Variants in EPHA1 observed in about 807,000 individuals in gnomAD.
EPHA1 encodes EPH receptor A1, also known as ephrin type-A receptor 1.
A neutral mutation model predicts 110.1 loss-of-function variants in EPHA1; 92 were observed. The observed-to-expected ratio is 0.84, with a 90% confidence interval of 0.71 to 0.99. The LOEUF (loss-of-function observed/expected upper bound fraction) is 0.99, where lower values mean the gene tolerates loss of function less well. EPHA1 is among the 50% of genes least tolerant of loss of function. EPHA1 has a pLI of 0.00. For missense variants in EPHA1, 1,204 were observed against 1,285.4 expected (o/e 0.94, Z 0.97); for synonymous variants, 500 against 516.1 (o/e 0.97, Z 0.42).
chr7:143,397,350 C>G lies in EPHA1; in HGVS notation c.1725G>C (p.Arg575=). The G allele has an allele frequency of 1.9e-6, 3 of 1,549,952 alleles. No homozygotes were observed. The highest frequency in any genetic ancestry group is 2.6e-6 in the Non-Finnish European group (3 of 1,146,868). ...ILVFRSRRAQ[R]QRQQRQRDRA... is the part of the protein sequence containing the mutation. ...GGTCACGCTGCCTCTGCTGCCTCTGCCGCTGGGCTCTCCTGTGGGGGTTGG... is the reference window on the plus strand; with the variant it reads ...GGTCACGCTGCCTCTGCTGCCTCTGGCGCTGGGCTCTCCTGTGGGGGTTGG... The change falls in exon 10 of 18, where the codon CGG becomes CGC. Residue 575 remains arginine (R), a synonymous_variant. Coordinates refer to ENST00000275815, the MANE Select transcript of EPHA1 (RefSeq NM_005232.5).
At chr7:143,397,694 A>G (rs1423003869) in intron 8 of EPHA1, 37 bp from the exon 9 acceptor site, 2 of 1,610,246 alleles carry the variant, frequency 1.2e-6, no homozygotes, top group Non-Finnish European at 1.7e-6. Context: ...GTTGGGACTC[A>G]CAGTCCGTAG....
At chr7:143,402,094 C>CTTT (rs35949877) in intron 2 of EPHA1, among the ~76,000 whole-genome samples, 2 of 143,226 alleles carry the variant, frequency 1.4e-5, no homozygotes, top group Non-Finnish European at 3.0e-5. Context: ...TTTTTTCTTT[C>CTTT]TTTTTTTTTT....
chr7:143,395,080 T>C lies in EPHA1; in HGVS notation c.2145+41A>G, dbSNP rs1480863054. On this transcript the variant is annotated intron_variant, in intron 13 of 17. Transcript: ENST00000275815. This position sits in a 1 kb window ranked among gnomAD's most constrained non-coding sequence, Gnocchi z 4.7. ...TCTCCTCCCAGTGCCCAGGGTACCA[T>C]GGTGCATCCCCCTCCCCAGCTAGTC... 5 of 1,613,850 alleles carry C rather than the reference T, an allele frequency of 3.1e-6. No homozygotes were observed.
rs773268230 is a variant in EPHA1 at position 143,397,560 on chromosome 7, C to T, written c.1712+1G>A. On this transcript the variant is annotated splice_donor_variant, in intron 9 of 17. Transcript: ENST00000275815. LOFTEE classifies it high-confidence loss of function. The stretch of plus-strand genomic sequence containing the variant: ...GTTGGGGAGGGGGCAGGAGCTGGCA[C>T]CTGGACCGGAAAACGAGAATCCCAA... 1.2e-6 allele frequency: 2 copies of T among 1,614,082 alleles called. No homozygotes were observed. Among genetic ancestry groups the T allele is most frequent in the Admixed American group, 1.7e-5 (1 of 60,012 alleles).
rs967936640 is a variant in EPHA1, at chr7:143,391,378, G to T, written c.*79C>A. The T allele has an allele frequency of 1.3e-6, 2 of 1,540,042 alleles. No homozygotes were observed. Among genetic ancestry groups the T allele is most frequent in the Non-Finnish European group, 8.9e-7 (1 of 1,128,836 alleles). On this transcript the variant is annotated 3_prime_UTR_variant, in exon 18 of 18. Transcript: ENST00000275815. ...CTAGTCTGGCAGGTTGTGGGAAGGGGCGCAGGGAGTGACCATGAGCGACCT... is the reference window on the plus strand; with the variant it reads ...CTAGTCTGGCAGGTTGTGGGAAGGGTCGCAGGGAGTGACCATGAGCGACCT...
chr7:143,408,156 C>T (rs955458280), intron 1 of EPHA1, among the ~76,000 whole-genome samples: 3 of 152,214 alleles, frequency 2.0e-5, no homozygotes, highest in East Asian at 1.9e-4. Flanking sequence ...GGCCAGTGAT[C>T]AGAGCCGTGA....
chr7:143,397,399 G>A (rs1385590259), intron 9 of EPHA1, 37 bp from the exon 10 acceptor site: 2 of 1,549,950 alleles, frequency 1.3e-6, no homozygotes, highest in Non-Finnish European at 1.7e-6. Context: ...CAGGGCCCCA[G>A]GACCACCTCA....
intron 1 of EPHA1, among the ~76,000 whole-genome samples, chr7:143,408,309 A>G (rs1373032948): frequency 6.6e-6 from 1 of 152,136 alleles, no homozygotes; most frequent in African/African-American, 2.4e-5. Flanking sequence ...TCCCGGAGGC[A>G]GCTCCCTCTG....
At chr7:143,407,450 T>G (rs2116643541) in intron 2 of EPHA1, among the ~76,000 whole-genome samples, 161 bp downstream of exon 2, 1 of 152,018 alleles carries the variant, frequency 6.6e-6, no homozygotes, top group East Asian at 1.9e-4. Context: ...CCCCACCCCT[T>G]GTCCCATTGA....
intron 11 of EPHA1, 62 bp downstream of exon 11, chr7:143,396,323 G>C (rs896209266): frequency 3.2e-6 from 5 of 1,572,068 alleles, no homozygotes; most frequent in African/African-American, 2.7e-5. Flanking sequence ...GAAGGGGCCT[G>C]CTGGTGGCTC....
chr7:143,397,898 G>A (rs199646340), intron 8 of EPHA1, 22 bp downstream of exon 8: 91 of 1,612,800 alleles, frequency 5.6e-5, no homozygotes, highest in Non-Finnish European at 7.0e-5. Flanking sequence ...TGTGTGTTGG[G>A]GCAGAGCACA....
chr7:143,403,204 A>C (rs547040452), intron 2 of EPHA1, among the ~76,000 whole-genome samples: 10 of 152,276 alleles, frequency 6.6e-5, no homozygotes, highest in African/African-American at 1.2e-4. Context: ...TCCCATCTCT[A>C]CTAAAAATAC....
Position 143,397,371 on chromosome 7 carries a change from G to T in EPHA1, c.1713-9C>A. 1 of 1,549,506 alleles carries T rather than the reference G, an allele frequency of 6.5e-7. No homozygotes were observed. On this transcript the variant is annotated splice_polypyrimidine_tract_variant and intron_variant, in intron 9 of 17. Transcript: ENST00000275815. ...TCTGCCGCTGGGCTCTCCTGTGGGG[G>T]TTGGGGACCAGCTCCTTCAGGGCCC...
chr7:143,402,971 T>G (rs1218564167), intron 2 of EPHA1, among the ~76,000 whole-genome samples: 1 of 152,246 alleles, frequency 6.6e-6, no homozygotes, highest in Admixed American at 6.5e-5. Context: ...CAGACCATTT[T>G]TCAATGCCTC....
In EPHA1 at chr7:143,401,474, G is replaced by A. The variant is rs140728868; in HGVS notation, c.282C>T (p.Arg94=). ...CGGTGAACTGCAGCTCCACGTGGAC[G>A]CGGGAAGCCTCCTCCCCGCGGTAGA... The part of the protein sequence containing the change: ...NWIYRGEEAS[R]VHVELQFTVR... Residue 94 remains arginine (R), a synonymous_variant, in exon 3 of 18, where the codon CGC becomes CGT. Transcript: ENST00000275815. The surrounding 1 kb of genome is among the most constrained non-coding windows in gnomAD (Gnocchi z 4.1). 615 of 1,613,986 alleles carry A rather than the reference G, an allele frequency of 3.8e-4. No homozygotes were observed. Among genetic ancestry groups the A allele is most frequent in the Non-Finnish European group, 4.9e-4 (580 of 1,180,050 alleles).
chr7:143,391,317 G>GT lies in EPHA1; in HGVS notation c.*139dup. ...GAGGTTTTCTGGGGTGCAGAGCAGG[G>GT]TTCTCCTGAAAGTGGGCAGAAGCAG... On this transcript the variant is annotated 3_prime_UTR_variant, in exon 18 of 18. Coordinates refer to ENST00000275815, the MANE Select transcript of EPHA1 (RefSeq NM_005232.5). 1.0e-6 allele frequency: 1 copy of GT among 992,482 alleles called. No homozygotes were observed. The highest frequency in any genetic ancestry group is 2.6e-5 in the East Asian group (1 of 38,012). The allele number at this position is 992,482 out of a possible 1,614,324, so 61.5% of individuals were successfully genotyped here.
At chr7:143,397,460 C>G in intron 9 of EPHA1, 98 bp from the exon 10 acceptor site, 1 of 1,589,258 alleles carries the variant, frequency 6.3e-7, no homozygotes, top group Non-Finnish European at 8.6e-7. Flanking sequence ...GCTGGGAGTG[C>G]AGGATGGGTT....
intron 2 of EPHA1, among the ~76,000 whole-genome samples, chr7:143,406,474 A>G (rs1023884315): frequency 6.6e-6 from 1 of 152,238 alleles, no homozygotes; most frequent in Non-Finnish European, 1.5e-5. Flanking sequence ...GTAAGCCAGT[A>G]AATCCAAGTC....
At chr7:143,394,392 G>A in intron 14 of EPHA1, 49 bp from the exon 15 acceptor site, 3 of 1,555,054 alleles carry the variant, frequency 1.9e-6, no homozygotes, top group Non-Finnish European at 2.6e-6. Flanking sequence ...GTCCACCTGA[G>A]CACGAGTCTT....
Sources: gnomAD v4.1 joint callset for allele counts (sites outside exome capture counted in the v4.1 genomes callset) on GRCh38, gnomAD v4.1.1 for gene constraint, Gnocchi (gnomAD v3.1) non-coding constraint, MANE v1.5 for transcripts, NCBI Gene and HGNC (gene_info 2026-07-23, HGNC 2026-07-21) for gene names.